Variants in CCDC91 observed in about 807,000 individuals in gnomAD.
The protein encoded by CCDC91 is coiled-coil domain containing 91.
Under a neutral mutation model 63.2 loss-of-function variants are expected in CCDC91, and 48 were observed. That is an observed-to-expected ratio of 0.76 (90% CI 0.60 to 0.97). CCDC91 has a LOEUF of 0.97. Among genes scored for constraint, CCDC91 ranks in the 50% least tolerant of loss-of-function variants. The pLI is 0.00. For missense variants in CCDC91, 500 were observed against 494.6 expected, an observed-to-expected ratio of 1.01 and a Z score of -0.10; for synonymous variants, 167 against 165.8, an observed-to-expected ratio of 1.01 and a Z score of -0.06.
At chr12:28,403,392 A>G (rs1946752448) in intron 8 of CCDC91, among the ~76,000 whole-genome samples, 1 of 152,110 alleles carries the variant, frequency 6.6e-6, no homozygotes, top group Non-Finnish European at 1.5e-5. Flanking sequence ...AGAGACTAAG[A>G]AGTCCAAGAT....
At chr12:28,487,667 A>G (rs1951797308) in intron 12 of CCDC91, among the ~76,000 whole-genome samples, 1 of 151,620 alleles carries the variant, frequency 6.6e-6, no homozygotes, top group Admixed American at 6.6e-5. Flanking sequence ...TTTTAAACTA[A>G]AGAGTCAACT....
chr12:28,403,062 T>G (rs1416998150), intron 8 of CCDC91, among the ~76,000 whole-genome samples: 1 of 152,210 alleles, frequency 6.6e-6, no homozygotes, highest in Non-Finnish European at 1.5e-5. Context: ...TAAGGATTTT[T>G]GGTGTCTCAC....
intron 12 of CCDC91, among the ~76,000 whole-genome samples, chr12:28,533,567 T>C (rs550322343): frequency 6.6e-6 from 1 of 152,234 alleles, no homozygotes; most frequent in East Asian, 1.9e-4. Flanking sequence ...GTTGTGACTA[T>C]TTGATAAAAA....
chr12:28,480,494 T>C (rs1362957507), intron 11 of CCDC91, among the ~76,000 whole-genome samples: 1 of 152,010 alleles, frequency 6.6e-6, no homozygotes, highest in East Asian at 1.9e-4. Flanking sequence ...GACTATTTTT[T>C]ACACAAAGTA....
At position 28,267,915 on chromosome 12, in the gene CCDC91, AATT is replaced by A. The variant is rs1269757086; in HGVS notation, c.109+8479_109+8481del. On this transcript the variant is annotated intron_variant, in intron 3 of 12. Transcript: ENST00000536442. ...AATTATATATAATTATATTATATAT[AATT>A]ATTATAATTATATATAATTATATAT... is the stretch of plus-strand genomic sequence containing the variant. Among the ~76,000 whole-genome samples, 26 of 96,050 alleles carry A rather than the reference AATT, an allele frequency of 2.7e-4. 1 individual carries two copies. Among genetic ancestry groups the A allele is most frequent in the African/African-American group, 7.7e-4 (18 of 23,264 alleles). The allele number at this position is 96,050 out of a possible 152,430, so 63.0% of individuals were successfully genotyped here. A position where few individuals can be genotyped will look rare whatever the true frequency, so the allele number is the denominator to read the frequency against.
At chr12:28,208,794 A>ATTATT (rs1448607519) in intron 1 of CCDC91, among the ~76,000 whole-genome samples, 25 of 151,984 alleles carry the variant, frequency 1.6e-4, no homozygotes, top group South Asian at 1.0e-3. Flanking sequence ...AAAATCTTTC[A>ATTATT]TTATTTTATT....
intron 11 of CCDC91, among the ~76,000 whole-genome samples, chr12:28,479,647 T>C (rs1266046540): frequency 6.6e-6 from 1 of 151,968 alleles, no homozygotes; most frequent in Admixed American, 6.6e-5. Flanking sequence ...GAAACTGTTC[T>C]GTTTGTATGT....
At chr12:28,357,452 A>G (rs1943595391) in intron 6 of CCDC91, among the ~76,000 whole-genome samples, 1 of 152,162 alleles carries the variant, frequency 6.6e-6, no homozygotes, top group African/African-American at 2.4e-5. Flanking sequence ...TGACTATTTC[A>G]GATTTTACGG....
intron 7 of CCDC91, among the ~76,000 whole-genome samples, chr12:28,364,476 A>C (rs1944140871): frequency 6.6e-6 from 1 of 152,246 alleles, no homozygotes; most frequent in Non-Finnish European, 1.5e-5. Context: ...TTTTCTGTTA[A>C]TGTAAACCAG....
chr12:28,370,111 G>T (rs1944521463), intron 7 of CCDC91, among the ~76,000 whole-genome samples: 2 of 152,176 alleles, frequency 1.3e-5, no homozygotes, highest in Non-Finnish European at 2.9e-5. Context: ...TTTCTCCCCA[G>T]AAAATGGGTT....
chr12:28,308,445 A>G (rs1190998984), intron 6 of CCDC91, among the ~76,000 whole-genome samples: 2 of 152,010 alleles, frequency 1.3e-5, no homozygotes, highest in Non-Finnish European at 2.9e-5. Flanking sequence ...ATCTGATTGA[A>G]ACTTAAAGCT....
At chr12:28,508,301 G>T (rs960511204) in intron 12 of CCDC91, among the ~76,000 whole-genome samples, 7 of 151,846 alleles carry the variant, frequency 4.6e-5, no homozygotes, top group African/African-American at 1.7e-4. Context: ...GTTCTCAGGA[G>T]CCAACTGATT....
chr12:28,443,696 C>T (rs1408297516), intron 8 of CCDC91, among the ~76,000 whole-genome samples: 1 of 152,040 alleles, frequency 6.6e-6, no homozygotes, highest in Non-Finnish European at 1.5e-5. Context: ...TGTGTGGTGC[C>T]ACTATTAGCA....
At chr12:28,419,395 T>A (rs1175460136) in intron 8 of CCDC91, among the ~76,000 whole-genome samples, 1 of 152,162 alleles carries the variant, frequency 6.6e-6, no homozygotes, top group East Asian at 1.9e-4. Flanking sequence ...TACAAAAATT[T>A]TATATCAGAT....
At chr12:28,438,848 C>T (rs904634989) in intron 8 of CCDC91, among the ~76,000 whole-genome samples, 1 of 152,126 alleles carries the variant, frequency 6.6e-6, no homozygotes, top group African/African-American at 2.4e-5. Context: ...CTAAGTTGTA[C>T]ATAGGCACTC....
At chr12:28,393,787 T>C (rs1946100208) in intron 8 of CCDC91, among the ~76,000 whole-genome samples, 1 of 152,202 alleles carries the variant, frequency 6.6e-6, no homozygotes, top group Non-Finnish European at 1.5e-5. Context: ...GAATTTTCTT[T>C]TTTCTATGAA....
chr12:28,537,938 A>C (rs1334223649), intron 12 of CCDC91, among the ~76,000 whole-genome samples: 1 of 152,170 alleles, frequency 6.6e-6, no homozygotes, highest in Admixed American at 6.5e-5. Flanking sequence ...TAATTCCTAA[A>C]ATTAAATGGG....
At chr12:28,459,992 A>G (rs1478183174) in intron 11 of CCDC91, among the ~76,000 whole-genome samples, 2 of 152,132 alleles carry the variant, frequency 1.3e-5, no homozygotes, top group Non-Finnish European at 2.9e-5. Context: ...TCTAATTTAC[A>G]TATAGGTACT....
At chr12:28,385,752 G>T (rs1359817169) in intron 7 of CCDC91, among the ~76,000 whole-genome samples, 1 of 152,130 alleles carries the variant, frequency 6.6e-6, no homozygotes, top group Non-Finnish European at 1.5e-5. Context: ...TGATGAGGCT[G>T]GAATCAGATC....
Sources: gnomAD v4.1 joint callset for allele counts (sites outside exome capture counted in the v4.1 genomes callset) on GRCh38, gnomAD v4.1.1 for gene constraint, MANE v1.5 for transcripts, NCBI Gene and HGNC (gene_info 2026-07-23, HGNC 2026-07-21) for gene names.